The following ZNF737 variants were observed in gnomAD, a reference collection of about 807,000 sequenced individuals.
ZNF737 encodes zinc finger protein 737, also known as zinc finger protein 102 (Y3).
A neutral mutation model predicts 11.7 loss-of-function variants in ZNF737; 13 were observed. The ratio of observed to expected loss-of-function variants is 1.11; its 90% confidence interval spans 0.73 to 1.77. The LOEUF is 1.77. Among genes scored for constraint, ZNF737 ranks in the 40% most tolerant of loss-of-function variants. The probability of loss-of-function intolerance (pLI) is 0.00; values close to 1 mark genes in which losing one functional copy is unlikely to be tolerated. For synonymous variants in ZNF737, 217 were observed against 216.2 expected (o/e 1.00, Z -0.03); for missense variants, 636 against 638.0 (o/e 1.00, Z 0.03).
intron 1 of ZNF737, among the ~76,000 whole-genome samples, chr19:20,563,550 AT>A (rs1969186351): frequency 6.9e-6 from 1 of 145,066 alleles, no homozygotes; most frequent in African/African-American, 2.6e-5. Flanking sequence ...CAATGGCATG[AT>A]CTTGGCTCAC....
In ZNF737 at chr19:20,543,167, A is replaced by G. The variant is rs1260493118; in HGVS notation, c.*1425T>C. On this transcript the variant is annotated 3_prime_UTR_variant, in exon 4 of 4. Transcript: ENST00000427401. ...TGCATCTGCAAAATTATATTTTAGC[A>G]TAAACTCTCTGTTGTTTTCTAAGCT... The G allele has an allele frequency of 4.1e-6, 4 of 971,094 alleles. No individual in the cohort carries two copies. The highest frequency in any genetic ancestry group is 3.6e-5 in the African/African-American group (2 of 56,194). 60.2% of individuals were successfully genotyped at this position (971,094 alleles called of 1,614,324 possible).
In ZNF737 at chr19:20,545,396, G is replaced by C; in HGVS notation, c.807C>G (p.Ser269=). ...CEECGKAFKR[S]SNLTTHKIIH... Reference sequence around the variant, plus strand: ...TTATCTTATGTGTAGTAAGGTTAGAGGAGCGCTTAAAGGCCTTGCCACATT... The same window carrying C: ...TTATCTTATGTGTAGTAAGGTTAGACGAGCGCTTAAAGGCCTTGCCACATT... Residue 269 remains serine, a synonymous_variant, in exon 4 of 4, where the codon TCC becomes TCG. Coordinates refer to ENST00000427401, the MANE Select transcript of ZNF737 (RefSeq NM_001159293.2). 1 of 1,612,108 alleles carries C rather than the reference G, an allele frequency of 6.2e-7. No homozygotes were observed. The highest frequency in any genetic ancestry group is 8.5e-7 in the Non-Finnish European group (1 of 1,179,210).
At position 20,538,682 on chromosome 19, in the gene ZNF737, ATC is replaced by A. The variant is rs1968075158; in HGVS notation, c.*5908_*5909del. The A allele has an allele frequency of 2.0e-6, 2 of 985,416 alleles. No individual in the cohort carries two copies. Among genetic ancestry groups the A allele is most frequent in the Admixed American group, 1.2e-4 (2 of 16,284 alleles). 61.0% of individuals were successfully genotyped at this position (985,416 alleles called of 1,614,324 possible). A position where few individuals can be genotyped will look rare whatever the true frequency, so the allele number is the denominator to read the frequency against. ...CCTGAGTAATTCAGGGGGAATTGGT[ATC>A]TCTGTAAAGAGACAGTAAGGAAATG... On this transcript the variant is annotated 3_prime_UTR_variant, in exon 4 of 4. Transcript: ENST00000427401.
chr19:20,552,622 A>G, intron 2 of ZNF737, 52 bp from the exon 3 acceptor site: 2 of 1,323,720 alleles, frequency 1.5e-6, no homozygotes, highest in Non-Finnish European at 2.1e-6. Context: ...CTCCAATTAC[A>G]AGCTAGTAAT....
In ZNF737 at chr19:20,545,428, A is replaced by G. The variant is rs782475733; in HGVS notation, c.775T>C (p.Cys259Arg). 36 of 1,613,756 alleles carry G rather than the reference A, an allele frequency of 2.2e-5. No individual in the cohort carries two copies. Among genetic ancestry groups the G allele is most frequent in the Non-Finnish European group, 3.1e-5 (36 of 1,179,948 alleles). The change falls in exon 4 of 4, where the codon TGT becomes CGT. Residue 259 changes from cysteine (C) to arginine (R), a missense_variant. Transcript: ENST00000427401. ...IIHSGEKPYK[C>R]EECGKAFKRS... ...TTAAAGGCCTTGCCACATTCTTCAC[A>G]TTTGTAGGGTTTCTCTCCACTATGA...
At chr19:20,533,261 T>C (rs1967872991), downstream of ZNF737, among the ~76,000 whole-genome samples, 1 of 150,168 alleles carries the variant, frequency 6.7e-6, no homozygotes, top group Non-Finnish European at 1.5e-5. Context: ...TGTACTATTC[T>C]AGATATAGTA....
intron 1 of ZNF737, 94 bp from the exon 2 acceptor site, chr19:20,553,929 G>GTTC: frequency 4.8e-6 from 7 of 1,467,422 alleles, no homozygotes; most frequent in Non-Finnish European, 6.5e-6. Flanking sequence ...AAGACAAATG[G>GTTC]TTCTGACTTA....
Position 20,541,359 on chromosome 19 carries a change from ATG to A in ZNF737, c.*3231_*3232del, listed in dbSNP as rs1290881528. On this transcript the variant is annotated 3_prime_UTR_variant, in exon 4 of 4. Coordinates refer to ENST00000427401, the MANE Select transcript of ZNF737 (RefSeq NM_001159293.2). Reference sequence around the variant, plus strand: ...CTATGTAAATTAAAACTAAAAGTCTATGTGTTTGCAGGCAGAGACCACATGTT... The same window carrying A: ...CTATGTAAATTAAAACTAAAAGTCTATGTTTGCAGGCAGAGACCACATGTT... 1 of 983,930 alleles carries A rather than the reference ATG, an allele frequency of 1.0e-6. No homozygotes were observed. The highest frequency in any genetic ancestry group is 1.7e-5 in the African/African-American group (1 of 57,212). The allele number at this position is 983,930 out of a possible 1,614,324, so 60.9% of individuals were successfully genotyped here. A position where few individuals can be genotyped will look rare whatever the true frequency, so the allele number is the denominator to read the frequency against.
intron 1 of ZNF737, among the ~76,000 whole-genome samples, chr19:20,559,617 A>G (rs1430636565): frequency 6.6e-6 from 1 of 152,220 alleles, no homozygotes; most frequent in Non-Finnish European, 1.5e-5. Flanking sequence ...GGTTGCAGAG[A>G]AAACGGAATG....
Position 20,542,680 on chromosome 19 carries a change from T to C in ZNF737, c.*1912A>G. The stretch of plus-strand genomic sequence containing the variant: ...AACATTTACGTTATACATTACTTAA[T>C]AGAATTTTACTACAAACAGCTTCTC... On this transcript the variant is annotated 3_prime_UTR_variant, in exon 4 of 4. Transcript: ENST00000427401. 1.0e-6 allele frequency: 1 copy of C among 983,860 alleles called. No individual in the cohort carries two copies. 60.9% of individuals were successfully genotyped at this position (983,860 alleles called of 1,614,324 possible).
chr19:20,543,580 G>A lies in ZNF737; in HGVS notation c.*1012C>T. ...GATACTAGCTTTTCTGTGAGATAAG[G>A]TGTAAGAACTGATTAAAAGTTTTGC... is the stretch of plus-strand genomic sequence containing the variant. On this transcript the variant is annotated 3_prime_UTR_variant, in exon 4 of 4. Coordinates refer to ENST00000427401, the MANE Select transcript of ZNF737 (RefSeq NM_001159293.2). 1 of 985,396 alleles carries A rather than the reference G, an allele frequency of 1.0e-6. No homozygotes were observed. The highest frequency in any genetic ancestry group is 1.7e-5 in the African/African-American group (1 of 57,320). The allele number at this position is 985,396 out of a possible 1,614,324, so 61.0% of individuals were successfully genotyped here. A position where few individuals can be genotyped will look rare whatever the true frequency, so the allele number is the denominator to read the frequency against.
chr19:20,557,348 T>C (rs1968925108), intron 1 of ZNF737, among the ~76,000 whole-genome samples: 1 of 152,148 alleles, frequency 6.6e-6, no homozygotes, highest in Non-Finnish European at 1.5e-5. Flanking sequence ...GACTACAAGA[T>C]AGGGTCAGAC....
downstream of ZNF737, among the ~76,000 whole-genome samples, chr19:20,534,453 ATATCTATCTATCTATCTATC>A (rs59237794): frequency 6.9e-6 from 1 of 144,626 alleles, no homozygotes; most frequent in Non-Finnish European, 1.5e-5. Context: ...AAAAGAAAAA[ATATCTATCTATCTATCTATC>A]TATCTATCTA....
chr19:20,560,939 A>G (rs1969069953), intron 1 of ZNF737, among the ~76,000 whole-genome samples: 1 of 152,246 alleles, frequency 6.6e-6, no homozygotes, highest in Admixed American at 6.5e-5. Context: ...TGGAAGACTA[A>G]GAGAATCAGA....
In ZNF737 at chr19:20,542,657, C is replaced by T; in HGVS notation, c.*1935G>A. On this transcript the variant is annotated 3_prime_UTR_variant, in exon 4 of 4. Coordinates refer to ENST00000427401, the MANE Select transcript of ZNF737 (RefSeq NM_001159293.2). Reference sequence around the variant, plus strand: ...CACTATAATAAAGTATTGCTCTGAACATTTACGTTATACATTACTTAATAG... The same window carrying T: ...CACTATAATAAAGTATTGCTCTGAATATTTACGTTATACATTACTTAATAG... 1 of 981,854 alleles carries T rather than the reference C, an allele frequency of 1.0e-6. No homozygotes were observed. The highest frequency in any genetic ancestry group is 1.2e-6 in the Non-Finnish European group (1 of 826,758). The allele number at this position is 981,854 out of a possible 1,614,324, so 60.8% of individuals were successfully genotyped here.
At chr19:20,565,141 G>T (rs1164665231) in intron 1 of ZNF737, among the ~76,000 whole-genome samples, 2 of 152,046 alleles carry the variant, frequency 1.3e-5, no homozygotes, top group Non-Finnish European at 2.9e-5. Context: ...CCCCATTTGG[G>T]CCAGGCTTAT....
At chr19:20,552,904 CAT>C (rs766032933) in intron 2 of ZNF737, among the ~76,000 whole-genome samples, 15 of 151,182 alleles carry the variant, frequency 9.9e-5, no homozygotes, top group Non-Finnish European at 1.9e-4. Flanking sequence ...CCCAGATACT[CAT>C]GAGGCTGAGG....
At chr19:20,565,605 C>T (rs781886966) in intron 1 of ZNF737, 33 bp downstream of exon 1, 2 of 1,614,054 alleles carry the variant, frequency 1.2e-6, no homozygotes, top group African/African-American at 2.7e-5. Flanking sequence ...CAGCCTATCC[C>T]CCTCTCTCGG....
rs1968076101 is a variant in ZNF737 at position 20,538,726 on chromosome 19, C to A, written c.*5866G>T. 2.0e-6 allele frequency: 2 copies of A among 985,282 alleles called. No individual in the cohort carries two copies. Among genetic ancestry groups the A allele is most frequent in the South Asian group, 4.7e-5 (1 of 21,284 alleles). 61.0% of individuals were successfully genotyped at this position (985,282 alleles called of 1,614,324 possible). ...AAGGAAATGCTGAGTGGAGGCACCA[C>A]ACTGCACATCAATGCTTTCCACATG... On this transcript the variant is annotated 3_prime_UTR_variant, in exon 4 of 4. Transcript: ENST00000427401.
Sources: gnomAD v4.1 joint callset for allele counts (sites outside exome capture counted in the v4.1 genomes callset) on GRCh38, gnomAD v4.1.1 for gene constraint, MANE v1.5 for transcripts, NCBI Gene and HGNC (gene_info 2026-07-23, HGNC 2026-07-21) for gene names.